Variants in COL28A1 observed in about 807,000 individuals in gnomAD.
The protein encoded by COL28A1 is collagen alpha-1(XXVIII) chain.
In COL28A1, 161 loss-of-function variants were observed where a neutral mutation model predicts 150.2. The observed-to-expected ratio is 1.07, with a 90% CI of 0.94 to 1.22. The LOEUF (loss-of-function observed/expected upper bound fraction) is 1.22. Ranked by LOEUF, COL28A1 falls within the 50% of genes most tolerant of loss-of-function variation. The pLI is 0.00. For synonymous variants in COL28A1, 552 were observed against 469.7 expected (o/e 1.18, Z -2.26); for missense variants, 1,617 against 1,388.3 (o/e 1.16, Z -2.62).
chr7:7,531,263 G>T, intron 3 of COL28A1, 85 bp downstream of exon 3: 1 of 575,338 alleles, frequency 1.7e-6, no homozygotes, highest in South Asian at 3.0e-5. Flanking sequence ...CCATCTTTTT[G>T]ACCCAGTATC....
At chr7:7,519,534 T>C (rs1781596498) in intron 6 of COL28A1, among the ~76,000 whole-genome samples, 1 of 152,184 alleles carries the variant, frequency 6.6e-6, no homozygotes, top group South Asian at 2.1e-4. Context: ...GGAACCAAAA[T>C]CCTAACAATG....
intron 13 of COL28A1, among the ~76,000 whole-genome samples, chr7:7,483,370 C>A (rs1029443960): frequency 1.3e-5 from 2 of 152,048 alleles, no homozygotes; most frequent in South Asian, 2.1e-4. Context: ...AATGAAAGAA[C>A]AAAGTAGAAA....
chr7:7,440,608 A>G (rs1360577751), intron 21 of COL28A1, among the ~76,000 whole-genome samples, 182 bp downstream of exon 21: 1 of 152,246 alleles, frequency 6.6e-6, no homozygotes, highest in Non-Finnish European at 1.5e-5. Flanking sequence ...TATGCAATCT[A>G]TTCCATTCTA....
At chr7:7,488,386 G>A (rs1002129867) in intron 13 of COL28A1, among the ~76,000 whole-genome samples, 3 of 152,304 alleles carry the variant, frequency 2.0e-5, no homozygotes, top group East Asian at 1.9e-4. Context: ...GGAAGTGTAT[G>A]TTTCTGTGAA....
chr7:7,470,936 G>T (rs1258243399), intron 15 of COL28A1, among the ~76,000 whole-genome samples: 4 of 113,834 alleles, frequency 3.5e-5, no homozygotes, highest in Admixed American at 1.1e-4. Flanking sequence ...ACAGGAAGGG[G>T]AATATCACAC....
chr7:7,403,046 G>T (rs1052194011), intron 27 of COL28A1, among the ~76,000 whole-genome samples: 1 of 152,188 alleles, frequency 6.6e-6, no homozygotes, highest in African/African-American at 2.4e-5. Context: ...ATCACTCATG[G>T]TGTGAGAAGT....
At chr7:7,507,895 T>C (rs990804194) in intron 9 of COL28A1, among the ~76,000 whole-genome samples, 4 of 152,228 alleles carry the variant, frequency 2.6e-5, no homozygotes, top group Non-Finnish European at 5.9e-5. Context: ...TCAAAGTGTA[T>C]GTCTGATTTT....
At chr7:7,462,861 C>CAAAAAAAAAAAAAAAA in intron 15 of COL28A1, among the ~76,000 whole-genome samples, 1 of 113,914 alleles carries the variant, frequency 8.8e-6, no homozygotes, top group Non-Finnish European at 2.0e-5. Flanking sequence ...AACTCCATCT[C>CAAAAAAAAAAAAAAAA]AAAAAAAAAA....
At chr7:7,391,594 A>T (rs992009896) in intron 27 of COL28A1, among the ~76,000 whole-genome samples, 1 of 152,078 alleles carries the variant, frequency 6.6e-6, no homozygotes, top group Non-Finnish European at 1.5e-5. Context: ...GTCTCCCACT[A>T]TTATTGTGTG....
chr7:7,411,694 TC>T (rs1783799502), intron 27 of COL28A1, among the ~76,000 whole-genome samples: 1 of 152,140 alleles, frequency 6.6e-6, no homozygotes, highest in Admixed American at 6.5e-5. Context: ...CCAAGCCCCC[TC>T]CAGCTCTTTG....
chr7:7,487,385 C>T (rs916708493), intron 13 of COL28A1, among the ~76,000 whole-genome samples: 3 of 152,042 alleles, frequency 2.0e-5, no homozygotes, highest in African/African-American at 7.2e-5. Context: ...CGAGACCAGC[C>T]TGGCCAATAT....
Position 7,407,678 on chromosome 7 carries a change from A to C in COL28A1, c.2136+10181T>G, listed in dbSNP as rs17516628. On this transcript the variant is annotated intron_variant, in intron 27 of 34. Transcript: ENST00000399429. ...TGCTCTAGTAGACTTTTACCAAAAA[A>C]AATTCTAAAGAATACAATGCAGGCA... 3.9e-3 allele frequency among the ~76,000 whole-genome samples: 598 copies of C among 152,254 alleles called. 3 individuals carry two copies. Among genetic ancestry groups the C allele is most frequent in the Non-Finnish European group, 6.6e-3 (447 of 67,974 alleles).
chr7:7,393,874 G>T (rs1334184938), intron 27 of COL28A1, among the ~76,000 whole-genome samples: 3 of 152,132 alleles, frequency 2.0e-5, no homozygotes, highest in Admixed American at 6.6e-5. Context: ...CTCCGCGGGG[G>T]TGGGATCCGC....
chr7:7,411,730 C>T (rs1783800896), intron 27 of COL28A1, among the ~76,000 whole-genome samples: 2 of 152,160 alleles, frequency 1.3e-5, no homozygotes, highest in South Asian at 4.1e-4. Flanking sequence ...TGTCTACTGA[C>T]AATTTCTAAG....
At chr7:7,419,796 A>G in intron 26 of COL28A1, 89 bp downstream of exon 26, 1 of 775,388 alleles carries the variant, frequency 1.3e-6, no homozygotes, top group Non-Finnish European at 1.9e-6. Context: ...AGTCAACACC[A>G]AGACGAACAC....
intron 3 of COL28A1, among the ~76,000 whole-genome samples, chr7:7,525,851 C>G (rs1354970383): frequency 6.6e-6 from 1 of 152,070 alleles, no homozygotes; most frequent in East Asian, 1.9e-4. Flanking sequence ...TAATTTTCTC[C>G]ATATATAAAA....
At chr7:7,477,206 A>T in intron 13 of COL28A1, 26 bp from the exon 14 acceptor site, 2 of 912,268 alleles carry the variant, frequency 2.2e-6, no homozygotes, top group Non-Finnish European at 1.9e-6. Context: ...GAAAATGAGG[A>T]GCAGGAGGAG....
At chr7:7,463,467 G>A (rs1312853229) in intron 15 of COL28A1, among the ~76,000 whole-genome samples, 1 of 152,126 alleles carries the variant, frequency 6.6e-6, no homozygotes, top group Non-Finnish European at 1.5e-5. Context: ...ATTAACAGCA[G>A]ATTTCTCAGC....
chr7:7,370,520 T>C (rs531995236), intron 33 of COL28A1, among the ~76,000 whole-genome samples: 1 of 152,172 alleles, frequency 6.6e-6, no homozygotes, highest in Non-Finnish European at 1.5e-5. Context: ...TTATAAAATA[T>C]GCAAGTTTTT....
Sources: allele counts gnomAD v4.1 joint callset (sites outside exome capture counted in the v4.1 genomes callset), GRCh38; gene constraint gnomAD v4.1.1; transcripts MANE v1.5; gene names NCBI Gene and HGNC (gene_info 2026-07-23, HGNC 2026-07-21).